The following ABCA3 variants were observed in gnomAD, a reference collection of about 807,000 sequenced individuals.
ABCA3 encodes ATP binding cassette subfamily A member 3.
Under a neutral mutation model 172.8 loss-of-function variants are expected in ABCA3, and 88 were observed. The ratio of observed to expected loss-of-function variants is 0.51; its 90% CI spans 0.43 to 0.61. ABCA3 has a LOEUF of 0.61. ABCA3 is among the 20% of genes least tolerant of loss of function. The pLI is 0.00. For missense variants in ABCA3, 2,164 were observed against 2,301.0 expected (o/e 0.94, Z 1.22); for synonymous variants, 1,066 against 983.8 (o/e 1.08, Z -1.56).
At chr16:2,308,355 C>T in intron 11 of ABCA3, 95 bp downstream of exon 11, 2 of 1,501,426 alleles carry the variant, frequency 1.3e-6, no homozygotes, top group Non-Finnish European at 1.8e-6. Flanking sequence ...TGCCAACCGT[C>T]CCAGGTGGAG....
chr16:2,319,104 TA>T (rs1307768941), intron 8 of ABCA3, among the ~76,000 whole-genome samples: 6 of 152,100 alleles, frequency 3.9e-5, no homozygotes, highest in African/African-American at 1.4e-4. Context: ...CTCATGCCTG[TA>T]ATCCCAGCAC....
chr16:2,309,104 C>T (rs1020865542), intron 10 of ABCA3, among the ~76,000 whole-genome samples: 4 of 152,162 alleles, frequency 2.6e-5, no homozygotes, highest in Admixed American at 2.6e-4. Context: ...CGCCACCACG[C>T]CCGGCTAATT....
Position 2,276,193 on chromosome 16 carries a change from C to A in ABCA3, c.*481G>T. 2.5e-6 allele frequency: 1 copy of A among 398,278 alleles called. No individual in the cohort carries two copies. Among genetic ancestry groups the A allele is most frequent in the South Asian group, 1.8e-5 (1 of 55,600 alleles). 24.7% of individuals were successfully genotyped at this position (398,278 alleles called of 1,614,324 possible). Reference sequence around the variant, plus strand: ...CCTAATCACAGTCAGCAGCTTCCCTCCACTGACAGTGATCTGCATGGTCCA... The same window carrying A: ...CCTAATCACAGTCAGCAGCTTCCCTACACTGACAGTGATCTGCATGGTCCA... On this transcript the variant is annotated 3_prime_UTR_variant, in exon 33 of 33. Coordinates refer to ENST00000301732, the MANE Select transcript of ABCA3 (RefSeq NM_001089.3).
In ABCA3 at chr16:2,278,272, C is replaced by G. The variant is rs372436392; in HGVS notation, c.4718+16G>C. On this transcript the variant is annotated intron_variant, in intron 30 of 32. Coordinates refer to ENST00000301732, the MANE Select transcript of ABCA3 (RefSeq NM_001089.3). This position sits in a 1 kb window ranked among gnomAD's most constrained non-coding sequence, Gnocchi z 4.4. ...CGGTGCTGAAACTTCCAGTAACCCA[C>G]AGACCCAGGCTCTACCTGTGGGAGG... is the stretch of plus-strand genomic sequence containing the variant. 50 of 1,605,878 alleles carry G rather than the reference C, an allele frequency of 3.1e-5. 1 individual carries two copies. The Admixed American group carries it at 8.3e-4, about 27-fold the overall frequency.
chr16:2,308,603 C>G lies in ABCA3; in HGVS notation c.1132G>C (p.Gly378Arg). Reference protein sequence around the residue: ...FSKANMAAAFGGFLYFFTYIP... With the variant: ...FSKANMAAAFRGFLYFFTYIP... ...TAGGTGAAGAAGTAGAGGAAGCCTC[C>G]GAAGGCTGCTGCCATGTTGGCTGCA... is the stretch of plus-strand genomic sequence containing the variant. The change falls in exon 11 of 33, where the codon GGA (glycine) becomes CGA (arginine). Residue 378 changes from glycine to arginine, a missense_variant. Physicochemically the swap from Gly to Arg is moderately radical, Grantham distance 125. Around this residue, in one of 3 missense-constraint regions of ABCA3, gnomAD observed 1,343 missense variants for 1,369.6 expected, o/e 0.98. Coordinates refer to ENST00000301732, the MANE Select transcript of ABCA3 (RefSeq NM_001089.3). 6.2e-7 allele frequency: 1 copy of G among 1,614,038 alleles called. No individual in the cohort carries two copies. The highest frequency in any genetic ancestry group is 8.5e-7 in the Non-Finnish European group (1 of 1,179,944).
In ABCA3 at chr16:2,289,482, A is replaced by G; in HGVS notation, c.2652T>C (p.Ile884=). 6.3e-7 allele frequency: 1 copy of G among 1,583,630 alleles called. No homozygotes were observed. The highest frequency in any genetic ancestry group is 8.6e-7 in the Non-Finnish European group (1 of 1,166,076). Residue 884 remains isoleucine (I), a synonymous_variant, in exon 20 of 33, where the codon ATT becomes ATC. Coordinates refer to ENST00000301732, the MANE Select transcript of ABCA3 (RefSeq NM_001089.3). ...LCGAMDPSDG[I]GALIEEERTA... ...TGCGCTCCTCCTCGATGAGGGCTCCAATGCCGTCGGAGGGGTCCATGGCCC... is the reference window on the plus strand; with the variant it reads ...TGCGCTCCTCCTCGATGAGGGCTCCGATGCCGTCGGAGGGGTCCATGGCCC...
In ABCA3 at chr16:2,279,175, GC is replaced by G. The variant is rs759422233; in HGVS notation, c.4360-46del. 7 of 1,600,304 alleles carry G rather than the reference GC, an allele frequency of 4.4e-6. No homozygotes were observed. The South Asian group carries it at 5.5e-5, about 13-fold the overall frequency. On this transcript the variant is annotated intron_variant, in intron 28 of 32. Transcript: ENST00000301732. The surrounding 1 kb of genome is among the most constrained non-coding windows in gnomAD (Gnocchi z 4.4). ...GGGGAGGGAGGCGGGTTGGAGGGAAGCCTCCTTCCTCCAGAGGACCACGGGG... is the reference window on the plus strand; with the variant it reads ...GGGGAGGGAGGCGGGTTGGAGGGAAGCTCCTTCCTCCAGAGGACCACGGGG...
chr16:2,295,496 G>A, intron 18 of ABCA3, 94 bp downstream of exon 18: 1 of 1,564,594 alleles, frequency 6.4e-7, no homozygotes, highest in East Asian at 2.2e-5. Context: ...GCCAGAGAGG[G>A]GCAGAGCAGG....
rs191574837 is a variant in ABCA3 at position 2,279,065 on chromosome 16, C to T, written c.4425G>A (p.Glu1475=). The change falls in exon 29 of 33, where the codon GAG becomes GAA. Residue 1475 remains glutamate, a synonymous_variant. Transcript: ENST00000301732. The surrounding 1 kb of genome is among the most constrained non-coding windows in gnomAD (Gnocchi z 4.4). The part of the protein sequence containing the change: ...DALLDHMTGR[E]MLVMYARLRG... The stretch of plus-strand genomic sequence containing the variant: ...GGAGCCGAGCGTACATGACCAGCAT[C>T]TCCCGGCCTGTCATGTGGTCCAGCA... The T allele has an allele frequency of 3.1e-6, 5 of 1,613,258 alleles. No individual in the cohort carries two copies. Among genetic ancestry groups the T allele is most frequent in the Admixed American group, 3.3e-5 (2 of 60,038 alleles).
In ABCA3 at chr16:2,286,867, G is replaced by C. The variant is rs777807890; in HGVS notation, c.3105C>G (p.Arg1035=). Residue 1035 remains arginine, a synonymous_variant, in exon 22 of 33, where the codon CGC becomes CGG. Coordinates refer to ENST00000301732, the MANE Select transcript of ABCA3 (RefSeq NM_001089.3). The surrounding 1 kb of genome is among the most constrained non-coding windows in gnomAD (Gnocchi z 5.2). ...VAASFRDVGE[R]TVVNALFNNQ... is the part of the protein sequence containing the mutation. ...TGTTGAACAAGGCGTTGACGACCGTGCGCTCTCCCACATCTCTGAAGGACG... is the reference window on the plus strand; with the variant it reads ...TGTTGAACAAGGCGTTGACGACCGTCCGCTCTCCCACATCTCTGAAGGACG... 8 of 1,614,108 alleles carry C rather than the reference G, an allele frequency of 5.0e-6. No individual in the cohort carries two copies. The highest frequency in any genetic ancestry group is 5.9e-6 in the Non-Finnish European group (7 of 1,180,036).
intron 4 of ABCA3, 39 bp downstream of exon 4, chr16:2,326,374 T>C: frequency 1.9e-6 from 3 of 1,612,620 alleles, no homozygotes; most frequent in Non-Finnish European, 2.5e-6. Context: ...GCCTCTGGGC[T>C]AGGCACGCAG....
rs752492246 is a variant in ABCA3 at position 2,299,399 on chromosome 16, T to C, written c.1741+4A>G. ...GGCAGGGGCGTGAGGCGCCTGGCCC[T>C]CACCTGTGAGCATGGAGAGGGTGGT... On this transcript the variant is annotated splice_donor_region_variant and intron_variant, in intron 14 of 32. Coordinates refer to ENST00000301732, the MANE Select transcript of ABCA3 (RefSeq NM_001089.3). 21 of 1,613,356 alleles carry C rather than the reference T, an allele frequency of 1.3e-5. No homozygotes were observed. Among genetic ancestry groups the C allele is most frequent in the Non-Finnish European group, 1.8e-5 (21 of 1,179,946 alleles).
At chr16:2,323,439 T>G (rs988222002) in intron 7 of ABCA3, 84 bp downstream of exon 7, 2 of 1,562,240 alleles carry the variant, frequency 1.3e-6, no homozygotes, top group Non-Finnish European at 1.8e-6. Flanking sequence ...CAAGAAATAC[T>G]TTTGCAAAGT....
rs372848304 is a variant in ABCA3, at chr16:2,281,013, C to T, written c.4359+14G>A. The T allele has an allele frequency of 4.0e-5, 65 of 1,613,754 alleles. No homozygotes were observed. Among genetic ancestry groups the T allele is most frequent in the Non-Finnish European group, 4.9e-5 (58 of 1,180,020 alleles). ...CCTGTCTCACCCCTTCAGAGCCTCC[C>T]TGGCTGCACCCACCTTTCCGACATC... On this transcript the variant is annotated intron_variant, in intron 28 of 32. Coordinates refer to ENST00000301732, the MANE Select transcript of ABCA3 (RefSeq NM_001089.3). The surrounding 1 kb of genome is among the most constrained non-coding windows in gnomAD (Gnocchi z 4.7).
At chr16:2,288,363 C>A (rs1019133915) in intron 20 of ABCA3, 34 bp from the exon 21 acceptor site, 7 of 1,531,552 alleles carry the variant, frequency 4.6e-6, no homozygotes, top group Non-Finnish European at 5.2e-6. Context: ...ACACCGGCAC[C>A]GCTTGGGGCC....
intron 3 of ABCA3, among the ~76,000 whole-genome samples, chr16:2,326,757 G>A (rs1266785589): frequency 1.3e-5 from 2 of 152,158 alleles, no homozygotes; most frequent in South Asian, 2.1e-4. Flanking sequence ...GGAGGCCGAG[G>A]CAGGTGGATC....
chr16:2,282,966 C>T (rs1304773081), intron 26 of ABCA3, among the ~76,000 whole-genome samples: 2 of 152,242 alleles, frequency 1.3e-5, no homozygotes, highest in Admixed American at 1.3e-4. Context: ...AGGCTGACTC[C>T]TCGGCAGGGG....
rs1175462768 is a variant in ABCA3 at position 2,297,953 on chromosome 16, G to C, written c.1897-32C>G. ...CGACAGGGGACGCAGGGAGATGCAG[G>C]GCTCCTGGCGGGAGGCCGACCCTGG... On this transcript the variant is annotated intron_variant, in intron 15 of 32. Coordinates refer to ENST00000301732, the MANE Select transcript of ABCA3 (RefSeq NM_001089.3). This position sits in a 1 kb window ranked among gnomAD's most constrained non-coding sequence, Gnocchi z 5.6. 3 of 1,612,238 alleles carry C rather than the reference G, an allele frequency of 1.9e-6. No homozygotes were observed. The highest frequency in any genetic ancestry group is 2.7e-5 in the African/African-American group (2 of 75,008).
chr16:2,319,500 C>T (rs1186108523), intron 8 of ABCA3, 81 bp downstream of exon 8: 1 of 1,455,156 alleles, frequency 6.9e-7, no homozygotes, highest in South Asian at 1.3e-5. Context: ...AAAAAAAATA[C>T]TAAAACACCA....
Sources: allele counts gnomAD v4.1 joint callset (sites outside exome capture counted in the v4.1 genomes callset), GRCh38; gene constraint gnomAD v4.1.1; regional missense constraint gnomAD v4.1.1; non-coding constraint Gnocchi (gnomAD v3.1); transcripts MANE v1.5; gene names NCBI Gene and HGNC (gene_info 2026-07-23, HGNC 2026-07-21).